Variants in THUMPD3 observed in about 807,000 individuals in gnomAD.
THUMPD3 encodes THUMP domain 3 tRNA guanosine methyltransferase.
THUMPD3 carries 44 observed loss-of-function variants against 54.5 expected under a neutral mutation model. That is an observed-to-expected ratio of 0.81 (90% CI 0.63 to 1.04). The LOEUF is 1.04. THUMPD3 is among the 50% of genes least tolerant of loss of function. The probability of loss-of-function intolerance (pLI) is 0.00; values close to 1 mark genes in which losing one functional copy is unlikely to be tolerated. For synonymous variants in THUMPD3, 196 were observed against 201.4 expected, an observed-to-expected ratio of 0.97 and a Z score of 0.23; for missense variants, 604 against 601.3, an observed-to-expected ratio of 1.00 and a Z score of -0.05.
In THUMPD3 at chr3:9,371,406, A is replaced by T. The variant is rs778558050; in HGVS notation, c.677A>T (p.Lys226Met). The T allele has an allele frequency of 6.2e-7, 1 of 1,614,182 alleles. No individual in the cohort carries two copies. The highest frequency in any genetic ancestry group is 1.7e-5 in the Admixed American group (1 of 60,020). ...GAAGAAACTGAGCCTCAAGTGCTGAAGTTTAGAGTCACATGCAACAGGGCA... is the reference window on the plus strand; with the variant it reads ...GAAGAAACTGAGCCTCAAGTGCTGATGTTTAGAGTCACATGCAACAGGGCA... ...SKEETEPQVL[K>M]FRVTCNRAGE... The change falls in exon 4 of 10, where the codon AAG becomes ATG. Residue 226 changes from lysine (K) to methionine (M), a missense_variant. Coordinates refer to ENST00000452837, the MANE Select transcript of THUMPD3 (RefSeq NM_001114092.2).
Position 9,381,756 on chromosome 3 carries a change from C to CTTTTTTTTTTTTT in THUMPD3, c.1124+1167_1124+1179dup, listed in dbSNP as rs753480713. Among the ~76,000 whole-genome samples, 2 of 44,324 alleles carry CTTTTTTTTTTTTT rather than the reference C, an allele frequency of 4.5e-5. 1 individual carries two copies. The highest frequency in any genetic ancestry group is 8.1e-5 in the Non-Finnish European group (2 of 24,736). 29.1% of individuals were successfully genotyped at this position (44,324 alleles called of 152,430 possible). On this transcript the variant is annotated intron_variant, in intron 7 of 9. Coordinates refer to ENST00000452837, the MANE Select transcript of THUMPD3 (RefSeq NM_001114092.2). ...ACCTACACTGTCTGTTCAACCCGTA[C>CTTTTTTTTTTTTT]TTTTTTTTTTTTTTTTTTTTTTTTT... is the stretch of plus-strand genomic sequence containing the variant.
rs200365328 is a variant in THUMPD3, at chr3:9,383,345, T to C, written c.1235+36T>C. Reference sequence around the variant, plus strand: ...CTAGTACCTGCTTGTCTTCTAAATATGTCATTATTTTCCTTGCGTTTATTC... The same window carrying C: ...CTAGTACCTGCTTGTCTTCTAAATACGTCATTATTTTCCTTGCGTTTATTC... On this transcript the variant is annotated intron_variant, in intron 8 of 9. Coordinates refer to ENST00000452837, the MANE Select transcript of THUMPD3 (RefSeq NM_001114092.2). 160 of 1,458,912 alleles carry C rather than the reference T, an allele frequency of 1.1e-4. No individual in the cohort carries two copies. The African/African-American group carries it at 1.7e-3, about 15-fold the overall frequency. The allele number at this position is 1,458,912 out of a possible 1,614,324, so 90.4% of individuals were successfully genotyped here. A position where few individuals can be genotyped will look rare whatever the true frequency, so the allele number is the denominator to read the frequency against.
At chr3:9,384,484 G>C in intron 9 of THUMPD3, 40 bp from the exon 10 acceptor site, 1 of 1,612,026 alleles carries the variant, frequency 6.2e-7, no homozygotes, top group Non-Finnish European at 8.5e-7. Flanking sequence ...TGTAAAAGTA[G>C]ATTGTCAACC....
At chr3:9,384,407 G>T (rs1425387057) in intron 9 of THUMPD3, 72 bp downstream of exon 9, 1 of 1,596,032 alleles carries the variant, frequency 6.3e-7, no homozygotes, top group Non-Finnish European at 8.5e-7. Flanking sequence ...GGGGATGTTT[G>T]TTTGGATAAG....
At chr3:9,383,362 C>T (rs548782876) in intron 8 of THUMPD3, 53 bp downstream of exon 8, 59 of 1,399,570 alleles carry the variant, frequency 4.2e-5, no homozygotes, top group Non-Finnish European at 5.3e-5. Context: ...ATTTTCCTTG[C>T]GTTTATTCTA....
In THUMPD3 at chr3:9,363,088, A is replaced by G. The variant is rs1413458168; in HGVS notation, c.-93A>G. ...CGGCGTGACCTGACCGCAAGAGGCCAATGGAGTGTGGGAGCTGAAAGGGTC... is the reference window on the plus strand; with the variant it reads ...CGGCGTGACCTGACCGCAAGAGGCCGATGGAGTGTGGGAGCTGAAAGGGTC... On this transcript the variant is annotated 5_prime_UTR_variant, in exon 1 of 10. Transcript: ENST00000452837. 2 of 152,352 alleles carry G rather than the reference A, an allele frequency of 1.3e-5. No individual in the cohort carries two copies. The highest frequency in any genetic ancestry group is 2.9e-5 in the Non-Finnish European group (2 of 68,188). The allele number at this position is 152,352 out of a possible 1,614,324, so 9.4% of individuals were successfully genotyped here.
chr3:9,384,141 T>G (rs1011615882), intron 8 of THUMPD3, 71 bp from the exon 9 acceptor site: 4 of 1,531,632 alleles, frequency 2.6e-6, no homozygotes, highest in Non-Finnish European at 1.8e-6. Flanking sequence ...CATGAAACTG[T>G]TTTTGTTTCA....
At chr3:9,365,906 C>G (rs1051270611) in intron 2 of THUMPD3, among the ~76,000 whole-genome samples, 1 of 152,148 alleles carries the variant, frequency 6.6e-6, no homozygotes, top group African/African-American at 2.4e-5. Flanking sequence ...TTGAGCATTT[C>G]TAATCTGAAA....
intron 3 of THUMPD3, among the ~76,000 whole-genome samples, chr3:9,369,309 C>CAAAAAAA (rs779602979): frequency 1.6e-4 from 10 of 60,806 alleles, no homozygotes; most frequent in African/African-American, 4.1e-4. Context: ...GACTCCGTCT[C>CAAAAAAA]AAAAAAAAAA....
At chr3:9,381,133 T>C (rs1477172451) in intron 7 of THUMPD3, among the ~76,000 whole-genome samples, 2 of 152,168 alleles carry the variant, frequency 1.3e-5, no homozygotes, top group African/African-American at 4.8e-5. Flanking sequence ...GGGGTCTTGC[T>C]GTTTTGTCCA....
In THUMPD3 at chr3:9,384,708, T is replaced by C; in HGVS notation, c.*20T>C. ...GAATGAAGATGACTAATAGTACTTG[T>C]ACTTCCCACCACTGGAAATGTTAGC... On this transcript the variant is annotated 3_prime_UTR_variant, in exon 10 of 10. Transcript: ENST00000452837. 1 of 1,613,148 alleles carries C rather than the reference T, an allele frequency of 6.2e-7. No homozygotes were observed.
intron 7 of THUMPD3, among the ~76,000 whole-genome samples, chr3:9,381,294 C>T (rs2728924): frequency 0.56 from 85,545 of 152,006 alleles, 24,518 homozygotes; most frequent in South Asian, 0.77. Context: ...TATATAGCCT[C>T]GCCTCTATTT....
At position 9,371,066 on chromosome 3, in the gene THUMPD3, G is replaced by A. The variant is rs1232498435; in HGVS notation, c.337G>A (p.Val113Ile). 3.2e-6 allele frequency: 5 copies of A among 1,563,194 alleles called. No homozygotes were observed. The African/African-American group carries it at 4.2e-5, about 13-fold the overall frequency. The change falls in exon 4 of 10, where the codon GTT becomes ATT. Residue 113 changes from valine (V) to isoleucine (I), a missense_variant. Transcript: ENST00000452837. ...DYQFKQTKEE[V>I]LKDFEDLAGK... ...CTTTCTCTGTCCTTTACAGGAAGAAGTTCTAAAGGATTTTGAAGACTTGGC... is the reference window on the plus strand; with the variant it reads ...CTTTCTCTGTCCTTTACAGGAAGAAATTCTAAAGGATTTTGAAGACTTGGC...
intron 3 of THUMPD3, among the ~76,000 whole-genome samples, chr3:9,369,393 A>G (rs1040552433): frequency 2.0e-5 from 3 of 151,592 alleles, no homozygotes; most frequent in Non-Finnish European, 4.4e-5. Context: ...CATTTGTTTC[A>G]TATATACGTT....
intron 6 of THUMPD3, among the ~76,000 whole-genome samples, chr3:9,379,691 C>T (rs1039716671): frequency 3.9e-5 from 6 of 152,088 alleles, no homozygotes; most frequent in African/African-American, 1.2e-4. Flanking sequence ...AAGGAAATTG[C>T]ATTTTACTAT....
intron 4 of THUMPD3, 149 bp downstream of exon 4, chr3:9,371,685 C>T (rs1420526307): frequency 1.4e-6 from 1 of 724,406 alleles, no homozygotes; most frequent in Non-Finnish European, 2.4e-6. Context: ...GATTTAGATC[C>T]AAATTTTAAC....
At chr3:9,382,862 G>C (rs2033029320) in intron 7 of THUMPD3, 2 of 175,982 alleles carry the variant, frequency 1.1e-5, no homozygotes, top group South Asian at 2.7e-4. Flanking sequence ...GAGTAGCTGG[G>C]ACTATAGGTG....
Position 9,365,093 on chromosome 3 carries a change from A to T in THUMPD3, c.25A>T (p.Asn9Tyr). 6.2e-7 allele frequency: 1 copy of T among 1,614,196 alleles called. No individual in the cohort carries two copies. The highest frequency in any genetic ancestry group is 1.7e-5 in the Admixed American group (1 of 60,028). Reference sequence around the variant, plus strand: ...CATGTGTGACATTGAAGAAGCCACTAACCAACTCCTAGATGTGAACCTTCA... The same window carrying T: ...CATGTGTGACATTGAAGAAGCCACTTACCAACTCCTAGATGTGAACCTTCA... MCDIEEAT[N>Y]QLLDVNLHEN... The change falls in exon 2 of 10, where the codon AAC becomes TAC. Residue 9 changes from asparagine (N) to tyrosine (Y), a missense_variant. Transcript: ENST00000452837.
At position 9,366,889 on chromosome 3, in the gene THUMPD3, T is replaced by C; in HGVS notation, c.253-19T>C. The C allele has an allele frequency of 1.9e-6, 3 of 1,598,502 alleles. No individual in the cohort carries two copies. Among genetic ancestry groups the C allele is most frequent in the Non-Finnish European group, 2.6e-6 (3 of 1,174,172 alleles). On this transcript the variant is annotated intron_variant, in intron 2 of 9. Coordinates refer to ENST00000452837, the MANE Select transcript of THUMPD3 (RefSeq NM_001114092.2). The stretch of plus-strand genomic sequence containing the variant: ...TTCAAAAGCTTTCTCAGAAATGTGT[T>C]TCTTTTTTTTTCACCCAGGTTCATT...
Sources: gnomAD v4.1 joint callset for allele counts (sites outside exome capture counted in the v4.1 genomes callset) on GRCh38, gnomAD v4.1.1 for gene constraint, MANE v1.5 for transcripts, NCBI Gene and HGNC (gene_info 2026-07-23, HGNC 2026-07-21) for gene names.